The following ME3 variants were observed in gnomAD, a reference collection of about 807,000 sequenced individuals.
ME3 encodes the protein NADP-dependent malic enzyme, mitochondrial.
Under a neutral mutation model 68.9 loss-of-function variants are expected in ME3, and 48 were observed. The observed-to-expected ratio is 0.70, with a 90% confidence interval of 0.55 to 0.89. The LOEUF (loss-of-function observed/expected upper bound fraction) is 0.89, where lower values mean the gene tolerates loss of function less well. Among genes scored for constraint, ME3 ranks in the 40% least tolerant of loss-of-function variants. The pLI is 0.00. For missense variants in ME3, 675 were observed against 797.4 expected (o/e 0.85, Z 1.85); for synonymous variants, 320 against 318.8 (o/e 1.00, Z -0.04).
chr11:86,563,613 G>A (rs1260411641), intron 2 of ME3, among the ~76,000 whole-genome samples: 1 of 152,092 alleles, frequency 6.6e-6, no homozygotes, highest in African/African-American at 2.4e-5. Context: ...GATGCACTGA[G>A]TTAATTTTTA....
chr11:86,612,768 C>G (rs139434106), intron 2 of ME3, among the ~76,000 whole-genome samples: 1 of 151,730 alleles, frequency 6.6e-6, no homozygotes, highest in African/African-American at 2.4e-5. Context: ...TTGTTTTTTT[C>G]TTGTAAATTT....
rs563710452 is a variant in ME3, at chr11:86,661,160, C to T, written c.183+10602G>A. On this transcript the variant is annotated intron_variant, in intron 2 of 14. Coordinates refer to ENST00000543262, the Ensembl canonical transcript of ME3. Reference sequence around the variant, plus strand: ...TGAAGAAAACACATGCACATGATGGCGATACATGTGCTAATAAATGTACAC... The same window carrying T: ...TGAAGAAAACACATGCACATGATGGTGATACATGTGCTAATAAATGTACAC... Among the ~76,000 whole-genome samples the T allele has an allele frequency of 5.9e-5, 9 of 152,282 alleles. No homozygotes were observed. In the South Asian group the frequency reaches 1.0e-3, roughly 18 times the overall value.
chr11:86,471,502 T>G (rs1328044908), intron 7 of ME3, among the ~76,000 whole-genome samples: 4 of 152,182 alleles, frequency 2.6e-5, no homozygotes, highest in Non-Finnish European at 5.9e-5. Context: ...CTAATTCTTG[T>G]CTTCTCTGGG....
At chr11:86,560,702 ATATG>A (rs144027251) in intron 2 of ME3, among the ~76,000 whole-genome samples, 2,602 of 53,544 alleles carry the variant, frequency 0.049, 129 homozygotes, top group African/African-American at 0.14. Context: ...GTATATAATG[ATATG>A]TGTGTGTGTG....
At chr11:86,465,271 A>C in intron 7 of ME3, 71 bp from the exon 8 acceptor site, 2 of 1,193,524 alleles carry the variant, frequency 1.7e-6, no homozygotes, top group East Asian at 2.4e-5. Context: ...CCCAGCTTGC[A>C]CAGTGGGGTG....
At chr11:86,571,098 C>T (rs138587845) in intron 2 of ME3, among the ~76,000 whole-genome samples, 1 of 152,326 alleles carries the variant, frequency 6.6e-6, no homozygotes, top group East Asian at 1.9e-4. Context: ...GGGTTATAAG[C>T]AATTTGGCAA....
At chr11:86,540,611 A>C (rs1201956065) in intron 4 of ME3, among the ~76,000 whole-genome samples, 1 of 152,224 alleles carries the variant, frequency 6.6e-6, no homozygotes, top group African/African-American at 2.4e-5. Flanking sequence ...CAGTTCATAG[A>C]TAAAGATTTC....
intron 2 of ME3, among the ~76,000 whole-genome samples, chr11:86,571,454 G>A (rs1024759769): frequency 3.9e-5 from 6 of 152,218 alleles, no homozygotes; most frequent in Non-Finnish European, 5.9e-5. Context: ...GTGCTGCAAT[G>A]AGGAAAATGT....
intron 4 of ME3, among the ~76,000 whole-genome samples, chr11:86,546,137 TTCC>T (rs1446458918): frequency 6.6e-6 from 1 of 152,182 alleles, no homozygotes; most frequent in Non-Finnish European, 1.5e-5. Flanking sequence ...ACTGGACCCC[TTCC>T]TTACACCTTA....
intron 2 of ME3, among the ~76,000 whole-genome samples, chr11:86,585,395 A>G (rs1958671542): frequency 6.6e-6 from 1 of 152,144 alleles, no homozygotes; most frequent in African/African-American, 2.4e-5. Context: ...GGAGGATAAG[A>G]GATACATGGG....
intron 4 of ME3, among the ~76,000 whole-genome samples, chr11:86,529,555 A>T (rs1006488207): frequency 1.6e-4 from 25 of 152,188 alleles, no homozygotes; most frequent in Non-Finnish European, 3.1e-4. Context: ...ACACAACAAA[A>T]AAAGAGAATT....
At chr11:86,567,268 AAGGAAGGAAGGG>A (rs1209647035) in intron 2 of ME3, among the ~76,000 whole-genome samples, 1 of 146,624 alleles carries the variant, frequency 6.8e-6, no homozygotes, top group Non-Finnish European at 1.5e-5. Context: ...GGAAGGAAGG[AAGGAAGGAAGGG>A]AGGAAAAGAG....
rs145269399 is a variant in ME3, at chr11:86,647,472, G to C, written c.183+24290C>G. 8.9e-3 allele frequency among the ~76,000 whole-genome samples: 1,312 copies of C among 147,870 alleles called. 27 individuals carry two copies. Among genetic ancestry groups the C allele is most frequent in the African/African-American group, 0.031 (1,227 of 39,626 alleles). On this transcript the variant is annotated intron_variant, in intron 2 of 14. Transcript: ENST00000543262. Reference sequence around the variant, plus strand: ...TGCACTCCAGCCTGGGAGACACAGCGAGACTCCATCTCAAAAAAGAAAAAA... The same window carrying C: ...TGCACTCCAGCCTGGGAGACACAGCCAGACTCCATCTCAAAAAAGAAAAAA...
At chr11:86,458,882 C>T (rs1297978843) in intron 8 of ME3, among the ~76,000 whole-genome samples, 1 of 152,190 alleles carries the variant, frequency 6.6e-6, no homozygotes, top group Admixed American at 6.5e-5. Context: ...ATTGTGGCAT[C>T]TGAAGCCTGT....
In ME3 at chr11:86,559,729, AT is replaced by A; in HGVS notation, c.277del (p.Ile93SerfsTer2). 6.2e-7 allele frequency: 1 copy of A among 1,613,942 alleles called. No individual in the cohort carries two copies. Among genetic ancestry groups the A allele is most frequent in the Non-Finnish European group, 8.5e-7 (1 of 1,179,860 alleles). ...CTGCTGCCGCTCGTAATATCTCATG[AT>A]TCGGAGGAGCTGGACGTCCTGGCTC... is the stretch of plus-strand genomic sequence containing the variant. On this transcript the variant is annotated frameshift_variant, in exon 3 of 15. Coordinates refer to ENST00000543262, the Ensembl canonical transcript of ME3. LOFTEE classifies it high-confidence loss of function.
chr11:86,604,614 C>T (rs1198687754), intron 2 of ME3, among the ~76,000 whole-genome samples: 2 of 151,990 alleles, frequency 1.3e-5, no homozygotes, highest in Admixed American at 1.3e-4. Context: ...ATGTAAATAG[C>T]TTTACATAGG....
downstream of ME3, among the ~76,000 whole-genome samples, chr11:86,440,154 G>A (rs1948929976): frequency 6.6e-6 from 1 of 152,142 alleles, no homozygotes; most frequent in African/African-American, 2.4e-5. Flanking sequence ...TGAGGCTGAG[G>A]TAGCAGCAGG....
At chr11:86,626,956 G>A (rs550927357) in intron 2 of ME3, among the ~76,000 whole-genome samples, 58 of 152,284 alleles carry the variant, frequency 3.8e-4, no homozygotes, top group Admixed American at 1.6e-3. Flanking sequence ...CTTGGGATCC[G>A]AAGGAAGAGT....
At chr11:86,649,756 T>C (rs991704563) in intron 2 of ME3, among the ~76,000 whole-genome samples, 3 of 152,140 alleles carry the variant, frequency 2.0e-5, no homozygotes, top group African/African-American at 7.2e-5. Context: ...CTTACAAGGA[T>C]GTGAAGGACT....
Sources: allele counts gnomAD v4.1 joint callset (sites outside exome capture counted in the v4.1 genomes callset), GRCh38; gene constraint gnomAD v4.1.1; transcripts MANE v1.5; gene names NCBI Gene and HGNC (gene_info 2026-07-23, HGNC 2026-07-21).